Variants in TLR5 observed in about 807,000 individuals in gnomAD.
TLR5 encodes the protein toll-like receptor 5.
For synonymous variants in TLR5, 373 were observed against 384.4 expected (o/e 0.97, Z 0.35); for missense variants, 944 against 999.8 (o/e 0.94, Z 0.75).
At chr1:223,122,746 T>C (rs1657002965) in intron 5 of TLR5, among the ~76,000 whole-genome samples, 1 of 152,204 alleles carries the variant, frequency 6.6e-6, no homozygotes, top group African/African-American at 2.4e-5. Flanking sequence ...CATTTGAGAC[T>C]CTGATGATAG....
intron 5 of TLR5, among the ~76,000 whole-genome samples, chr1:223,125,343 C>T (rs916073548): frequency 2.0e-5 from 3 of 152,154 alleles, no homozygotes; most frequent in Non-Finnish European, 4.4e-5. Context: ...ACCTGCAAGG[C>T]TGAGTATGGA....
chr1:223,112,058 T>C lies in TLR5; in HGVS notation c.974A>G (p.Asn325Ser), dbSNP rs1172980832. 3 of 1,614,102 alleles carry C rather than the reference T, an allele frequency of 1.9e-6. No individual in the cohort carries two copies. The Admixed American group carries it at 5.0e-5, about 27-fold the overall frequency. ...GTAAAATGCTTCATCTGCAATCTTA[T>C]TTATCTTGTTGTAGGCAAGGTTCAG... ...KVLNLAYNKI[N>S]KIADEAFYGL... Residue 325 changes from asparagine to serine, a missense_variant, in exon 6 of 6, where the codon AAT (asparagine) becomes AGT (serine). By Grantham distance (46) the Asn-to-Ser change is conservative. Transcript: ENST00000642603.
Position 223,110,387 on chromosome 1 carries a change from T to A in TLR5, c.*68A>T. ...ACCTCCAGAGAGGACCCCAAAATGA[T>A]AACTTGGTGCAAATACAAAGTGAAG... On this transcript the variant is annotated 3_prime_UTR_variant, in exon 6 of 6. Coordinates refer to ENST00000642603, the MANE Select transcript of TLR5 (RefSeq NM_003268.6). 6.4e-7 allele frequency: 1 copy of A among 1,567,400 alleles called. No individual in the cohort carries two copies. Among genetic ancestry groups the A allele is most frequent in the South Asian group, 1.1e-5 (1 of 88,670 alleles).
chr1:223,128,758 G>C (rs903023809), intron 5 of TLR5: 1 of 152,186 alleles, frequency 6.6e-6, no homozygotes, highest in African/African-American at 2.4e-5. Flanking sequence ...TTGCAACTTT[G>C]TAAGTTCACT....
intron 2 of TLR5, among the ~76,000 whole-genome samples, chr1:223,138,707 A>G (rs911592681): frequency 9.9e-5 from 15 of 152,248 alleles, no homozygotes; most frequent in Admixed American, 9.2e-4. Context: ...TCAGAGACAT[A>G]TAAGTGGACT....
rs1458993850 is a variant in TLR5 at position 223,112,499 on chromosome 1, G to GA, written c.532dup (p.Ser178PhefsTer10). On this transcript the variant is annotated frameshift_variant, in exon 6 of 6. Transcript: ENST00000642603. LOFTEE classifies it low-confidence loss of function (END_TRUNC). ...ACATACAAGGAATATTTGGTTGGAG[G>GA]AAAAATCTATGGACTTTAAGGAATT... 8 of 1,614,124 alleles carry GA rather than the reference G, an allele frequency of 5.0e-6. No homozygotes were observed. The East Asian group carries it at 1.1e-4, about 22-fold the overall frequency.
chr1:223,126,379 A>C (rs1657167055), intron 5 of TLR5, among the ~76,000 whole-genome samples: 1 of 152,242 alleles, frequency 6.6e-6, no homozygotes, highest in Non-Finnish European at 1.5e-5. Context: ...TAATGGGCAG[A>C]GTTTCAGTCT....
rs760179281 is a variant in TLR5, at chr1:223,111,539, A to G, written c.1493T>C (p.Phe498Ser). The change falls in exon 6 of 6, where the codon TTT becomes TCT. Residue 498 changes from phenylalanine to serine, a missense_variant. Phe to Ser is a radical substitution (Grantham distance 155). Coordinates refer to ENST00000642603, the MANE Select transcript of TLR5 (RefSeq NM_003268.6). ...AACTTGAAGATGAGAAAGTCCCTCA[A>G]AAACATCCCAACAGAGCTCAGTTTC... is the stretch of plus-strand genomic sequence containing the variant. ...AWETELCWDV[F>S]EGLSHLQVLY... The G allele has an allele frequency of 1.4e-5, 22 of 1,614,066 alleles. No homozygotes were observed. The highest frequency in any genetic ancestry group is 2.2e-5 in the East Asian group (1 of 44,888).
At position 223,110,442 on chromosome 1, in the gene TLR5, A is replaced by G; in HGVS notation, c.*13T>C. 6.2e-7 allele frequency: 1 copy of G among 1,613,470 alleles called. No homozygotes were observed. The highest frequency in any genetic ancestry group is 8.5e-7 in the Non-Finnish European group (1 of 1,179,700). On this transcript the variant is annotated 3_prime_UTR_variant, in exon 6 of 6. Coordinates refer to ENST00000642603, the MANE Select transcript of TLR5 (RefSeq NM_003268.6). ...ATTTGTGGCTTGAGATAAGTTGGAA[A>G]TTGCTCCTTTGATTAGGAGATGGTT...
intron 5 of TLR5, among the ~76,000 whole-genome samples, chr1:223,122,775 T>C (rs1001698781): frequency 3.3e-5 from 5 of 152,300 alleles, no homozygotes; most frequent in East Asian, 1.9e-4. Flanking sequence ...CTTTTTCCTA[T>C]AAAAATGCAC....
In TLR5 at chr1:223,110,770, G is replaced by A. The variant is rs780943112; in HGVS notation, c.2262C>T (p.Ile754=). 2.5e-6 allele frequency: 4 copies of A among 1,614,206 alleles called. No individual in the cohort carries two copies. Among genetic ancestry groups the A allele is most frequent in the South Asian group, 1.1e-5 (1 of 91,074 alleles). Residue 754 remains isoleucine (I), a synonymous_variant, in exon 6 of 6, where the codon ATC becomes ATT. Transcript: ENST00000642603. ...GGAAGTGTCTGCTCACAAGACAAAC[G>A]ATCTTTCTACTGTTCCAGATGGCAT... The part of the protein sequence containing the change: ...IQDAIWNSRK[I]VCLVSRHFLR...
rs754722570 is a variant in TLR5, at chr1:223,112,719, T to A, written c.313A>T (p.Ser105Cys). The A allele has an allele frequency of 1.2e-6, 2 of 1,614,242 alleles. No individual in the cohort carries two copies. The highest frequency in any genetic ancestry group is 2.2e-5 in the South Asian group (2 of 91,082). The part of the protein sequence containing the change: ...PNLRILDLGS[S>C]KIYFLHPDAF... ...TCTGGATGCAAGAAGTATATCTTAC[T>A]ACTTCCCAGGTCCAAGATTCTAAGG... The change falls in exon 6 of 6, where the codon AGT becomes TGT. Residue 105 changes from serine (S) to cysteine (C), a missense_variant. Coordinates refer to ENST00000642603, the MANE Select transcript of TLR5 (RefSeq NM_003268.6).
chr1:223,110,202 G>T lies in TLR5; in HGVS notation c.*253C>A. 1 of 533,136 alleles carries T rather than the reference G, an allele frequency of 1.9e-6. No individual in the cohort carries two copies. The highest frequency in any genetic ancestry group is 3.3e-6 in the Non-Finnish European group (1 of 299,316). 33.0% of individuals were successfully genotyped at this position (533,136 alleles called of 1,614,324 possible). ...CACAGCAGGACAGAACGGTATTATT[G>T]GATCTGAAAGAAAATCAATGGAGAC... On this transcript the variant is annotated 3_prime_UTR_variant, in exon 6 of 6. Coordinates refer to ENST00000642603, the MANE Select transcript of TLR5 (RefSeq NM_003268.6).
intron 5 of TLR5, among the ~76,000 whole-genome samples, chr1:223,118,456 A>G (rs1656786493): frequency 6.6e-6 from 1 of 151,890 alleles, no homozygotes; most frequent in African/African-American, 2.4e-5. Context: ...CTGAGGAAGG[A>G]GAATTGCTTG....
Position 223,110,363 on chromosome 1 carries a change from C to A in TLR5, c.*92G>T, listed in dbSNP as rs1037317070. On this transcript the variant is annotated 3_prime_UTR_variant, in exon 6 of 6. Transcript: ENST00000642603. The stretch of plus-strand genomic sequence containing the variant: ...CATAGTAGCAAAAAGAAAAAAAAAA[C>A]CTCCAGAGAGGACCCCAAAATGATA... 2.2e-6 allele frequency: 3 copies of A among 1,358,536 alleles called. No homozygotes were observed. Among genetic ancestry groups the A allele is most frequent in the Admixed American group, 3.9e-5 (2 of 51,294 alleles). The allele number at this position is 1,358,536 out of a possible 1,614,324, so 84.2% of individuals were successfully genotyped here.
chr1:223,138,776 T>C (rs187674415), intron 2 of TLR5, among the ~76,000 whole-genome samples: 7 of 152,216 alleles, frequency 4.6e-5, no homozygotes, highest in African/African-American at 1.7e-4. Context: ...GCCTCATAGG[T>C]TTGAAAAAAC....
intron 2 of TLR5, 30 bp downstream of exon 2, chr1:223,141,618 C>G (rs1657843378): frequency 6.6e-6 from 1 of 151,492 alleles, no homozygotes; most frequent in Admixed American, 6.6e-5. Flanking sequence ...ACTAAAAATA[C>G]AAAAATTAGA....
chr1:223,137,788 T>C (rs1204470827), intron 2 of TLR5, among the ~76,000 whole-genome samples: 1 of 152,024 alleles, frequency 6.6e-6, no homozygotes, highest in East Asian at 1.9e-4. Flanking sequence ...TCTCTTACCA[T>C]AAAACAAACA....
intron 5 of TLR5, among the ~76,000 whole-genome samples, chr1:223,120,002 TA>T (rs1289882279): frequency 7.7e-6 from 1 of 129,160 alleles, no homozygotes; most frequent in Admixed American, 7.7e-5. Context: ...TAAAATAAAA[TA>T]AAATAAAATA....
Sources: gnomAD v4.1 joint callset for allele counts (sites outside exome capture counted in the v4.1 genomes callset) on GRCh38, gnomAD v4.1.1 for gene constraint, MANE v1.5 for transcripts, NCBI Gene and HGNC (gene_info 2026-07-23, HGNC 2026-07-21) for gene names.